Variants in EXTL3 observed in about 807,000 individuals in gnomAD.
The protein encoded by EXTL3 is exostosin like glycosyltransferase 3.
Under a neutral mutation model 69.3 loss-of-function variants are expected in EXTL3, and 27 were observed. The ratio of observed to expected loss-of-function variants is 0.39; its 90% CI spans 0.29 to 0.54. The LOEUF (loss-of-function observed/expected upper bound fraction) is 0.54, where lower values mean the gene tolerates loss of function less well. Ranked by LOEUF, EXTL3 falls within the 20% of genes least tolerant of loss-of-function variation. The pLI is 0.69. For missense variants in EXTL3, 1,003 were observed against 1,231.8 expected, an observed-to-expected ratio of 0.81 and a Z score of 2.78; for synonymous variants, 511 against 499.4, an observed-to-expected ratio of 1.02 and a Z score of -0.31.
intron 1 of EXTL3, among the ~76,000 whole-genome samples, chr8:28,705,689 T>C (rs1459612776): frequency 6.6e-6 from 1 of 152,130 alleles, no homozygotes; most frequent in Non-Finnish European, 1.5e-5. Context: ...AAAATAAAAA[T>C]CATGTATGTT....
chr8:28,731,146 T>G, intron 3 of EXTL3, 77 bp from the exon 4 acceptor site: 9 of 1,588,470 alleles, frequency 5.7e-6, no homozygotes, highest in Non-Finnish European at 7.8e-6. Context: ...CATGGTCTCC[T>G]TGGACCTAAA....
chr8:28,662,084 G>A (rs957425607), intron 1 of EXTL3, among the ~76,000 whole-genome samples: 1 of 151,646 alleles, frequency 6.6e-6, no homozygotes, highest in East Asian at 1.9e-4. Flanking sequence ...TGTAACCTAC[G>A]CATGCACAGA....
At chr8:28,636,345 A>C (rs1806655304) in intron 1 of EXTL3, among the ~76,000 whole-genome samples, 2 of 151,674 alleles carry the variant, frequency 1.3e-5, no homozygotes, top group South Asian at 4.2e-4. Flanking sequence ...AAAAAAAAAA[A>C]ACAAATGTCT....
At chr8:28,730,603 A>G (rs1372268514) in intron 3 of EXTL3, among the ~76,000 whole-genome samples, 2 of 152,164 alleles carry the variant, frequency 1.3e-5, no homozygotes, top group Admixed American at 1.3e-4. Flanking sequence ...AATCACTTAG[A>G]TGTGTTTTGA....
intron 2 of EXTL3, among the ~76,000 whole-genome samples, chr8:28,608,726 T>C (rs1806235727): frequency 6.6e-6 from 1 of 151,976 alleles, no homozygotes; most frequent in African/African-American, 2.4e-5. Flanking sequence ...TAGCCGGTCC[T>C]GGTGGCTCAC....
At position 28,691,714 on chromosome 8, in the gene EXTL3, A is replaced by G. The variant is rs1244808310; in HGVS notation, c.-52-21743A>G. Among the ~76,000 whole-genome samples, 5 of 151,914 alleles carry G rather than the reference A, an allele frequency of 3.3e-5. No homozygotes were observed. The East Asian group carries it at 7.7e-4, about 23-fold the overall frequency. On this transcript the variant is annotated intron_variant, in intron 1 of 6. Transcript: ENST00000523149. ...GGAGTTCGAGACCAGCCTGACCAAC[A>G]TGGAGAAGCCCCATCTCTACTAAAA...
intron 3 of EXTL3, among the ~76,000 whole-genome samples, chr8:28,729,945 G>T (rs1264042150): frequency 6.6e-6 from 1 of 151,948 alleles, no homozygotes; most frequent in Non-Finnish European, 1.5e-5. Context: ...TAAAGTGACA[G>T]ACGCTATAGT....
intron 1 of EXTL3, among the ~76,000 whole-genome samples, chr8:28,661,006 C>A (rs747264131): frequency 6.6e-6 from 1 of 150,944 alleles, no homozygotes; most frequent in African/African-American, 2.4e-5. Flanking sequence ...CTCCGCCTCC[C>A]GGGTTCACGC....
chr8:28,737,651 C>G lies in EXTL3; in HGVS notation c.2409C>G (p.Ala803=), dbSNP rs532555915. 35 of 1,614,164 alleles carry G rather than the reference C, an allele frequency of 2.2e-5. No individual in the cohort carries two copies. In the South Asian group the frequency reaches 3.5e-4, roughly 16 times the overall value. ...CELSMVLTGA[A]FFHKYYAYLY... ...TGTCCATGGTGCTGACAGGTGCTGCCTTCTTTCACAAGGTAAGAAAAAGCT... is the reference window on the plus strand; with the variant it reads ...TGTCCATGGTGCTGACAGGTGCTGCGTTCTTTCACAAGGTAAGAAAAAGCT... Residue 803 remains alanine (A), a synonymous_variant, in exon 5 of 7, where the codon GCC becomes GCG. Transcript: ENST00000220562.
intron 1 of EXTL3, among the ~76,000 whole-genome samples, chr8:28,647,288 G>A (rs1806847561): frequency 6.6e-6 from 1 of 151,910 alleles, no homozygotes; most frequent in African/African-American, 2.4e-5. Context: ...TTATTTAGTA[G>A]AGACGGGGGT....
intron 1 of EXTL3, among the ~76,000 whole-genome samples, chr8:28,630,213 T>C (rs1196735243): frequency 6.6e-6 from 1 of 152,144 alleles, no homozygotes; most frequent in African/African-American, 2.4e-5. Context: ...TCATGAGATC[T>C]GATCGTTTTA....
intron 1 of EXTL3, among the ~76,000 whole-genome samples, chr8:28,630,910 C>T (rs1264509365): frequency 1.3e-5 from 2 of 152,156 alleles, no homozygotes; most frequent in African/African-American, 4.8e-5. Flanking sequence ...GGCATGGTGC[C>T]AGGTATATAG....
At position 28,738,086 on chromosome 8, in the gene EXTL3, G is replaced by T. The variant is rs562717971; in HGVS notation, c.2421+423G>T. ...GGGCCCCACGATGAGCCTCTGTGTG[G>T]CTCTGCCAGTTCTTTGTGATGCTTT... On this transcript the variant is annotated intron_variant, in intron 5 of 6. Transcript: ENST00000220562. 8.5e-5 allele frequency among the ~76,000 whole-genome samples: 13 copies of T among 152,292 alleles called. No individual in the cohort carries two copies. The East Asian group carries it at 2.5e-3, about 29-fold the overall frequency.
At chr8:28,668,865 C>CTTTTTTTTTTTTTTT (rs999113088) in intron 1 of EXTL3, among the ~76,000 whole-genome samples, 12 of 94,464 alleles carry the variant, frequency 1.3e-4, no homozygotes, top group Non-Finnish European at 1.7e-4. Flanking sequence ...GATAGAATCT[C>CTTTTTTTTTTTTTTT]TTTTTTTTTT....
At chr8:28,635,316 A>C (rs181681520) in intron 1 of EXTL3, among the ~76,000 whole-genome samples, 1 of 151,174 alleles carries the variant, frequency 6.6e-6, no homozygotes, top group African/African-American at 2.4e-5. Flanking sequence ...CCAGCTACTC[A>C]GGAGGCTGAG....
intron 1 of EXTL3, among the ~76,000 whole-genome samples, chr8:28,681,424 A>C (rs1807488008): frequency 6.6e-6 from 1 of 151,900 alleles, no homozygotes; most frequent in African/African-American, 2.4e-5. Context: ...TAGCTGAAAC[A>C]TGAGAATCAT....
intron 1 of EXTL3, among the ~76,000 whole-genome samples, chr8:28,666,917 C>T (rs1220585541): frequency 7.9e-5 from 12 of 152,204 alleles, no homozygotes; most frequent in Admixed American, 7.9e-4. Flanking sequence ...TCCTCTCCTC[C>T]TGCCTTCGAC....
At chr8:28,729,820 T>A (rs560679849) in intron 3 of EXTL3, among the ~76,000 whole-genome samples, 2 of 150,572 alleles carry the variant, frequency 1.3e-5, no homozygotes, top group Non-Finnish European at 3.0e-5. Flanking sequence ...GGGAACATAG[T>A]GATGAGACTT....
At chr8:28,744,521 G>A (rs890162268) in intron 6 of EXTL3, among the ~76,000 whole-genome samples, 5 of 152,208 alleles carry the variant, frequency 3.3e-5, no homozygotes, top group Non-Finnish European at 5.9e-5. Context: ...TAGGCTGGGC[G>A]CAGTGGCTTA....
Sources: gnomAD v4.1 joint callset for allele counts (sites outside exome capture counted in the v4.1 genomes callset) on GRCh38, gnomAD v4.1.1 for gene constraint, MANE v1.5 for transcripts, NCBI Gene and HGNC (gene_info 2026-07-23, HGNC 2026-07-21) for gene names.